OSBPL9: variants seen among roughly 807,000 people sequenced by gnomAD.
OSBPL9 encodes the protein oxysterol-binding protein-related protein 9.
Under a neutral mutation model 106.6 loss-of-function variants are expected in OSBPL9, and 40 were observed. That is an observed-to-expected ratio of 0.38 (90% CI 0.29 to 0.49). The LOEUF (loss-of-function observed/expected upper bound fraction) is 0.49. Among genes scored for constraint, OSBPL9 ranks in the 20% least tolerant of loss-of-function variants. The pLI is 0.97. For missense variants in OSBPL9, 609 were observed against 887.2 expected, an observed-to-expected ratio of 0.69 and a Z score of 3.98; for synonymous variants, 269 against 295.4, an observed-to-expected ratio of 0.91 and a Z score of 0.92.
intron 3 of OSBPL9, among the ~76,000 whole-genome samples, chr1:51,701,359 T>C (rs1260659702): frequency 6.6e-6 from 1 of 152,266 alleles, no homozygotes; most frequent in Non-Finnish European, 1.5e-5. Flanking sequence ...TATAGTCCAG[T>C]ACTCTGTGAA....
chr1:51,760,421 C>A, intron 9 of OSBPL9: 2 of 301,052 alleles, frequency 6.6e-6, no homozygotes, highest in Non-Finnish European at 1.2e-5. Flanking sequence ...TTCCTGAAAT[C>A]TCCCCACACC....
intron 12 of OSBPL9, 40 bp from the exon 13 acceptor site, chr1:51,772,029 TG>T (rs1223701220): frequency 6.8e-7 from 1 of 1,463,482 alleles, no homozygotes. Context: ...GATTCTAAAT[TG>T]CTTTCTTTAG....
rs555568798 is a variant in OSBPL9, at chr1:51,628,377, T to C, written c.111+11156T>C. On this transcript the variant is annotated intron_variant, in intron 1 of 23. Coordinates refer to ENST00000428468, the MANE Select transcript of OSBPL9 (RefSeq NM_024586.6). ...AATGAACAAAAGATAACATTTTTTC[T>C]TCATCTTTATTTAATAAGATCTCAG... Among the ~76,000 whole-genome samples the C allele has an allele frequency of 3.3e-5, 5 of 152,278 alleles. No homozygotes were observed. In the South Asian group the frequency reaches 1.0e-3, roughly 32 times the overall value.
chr1:51,662,046 A>G lies in OSBPL9; in HGVS notation c.163-7388A>G, dbSNP rs139749156. ...TGAGCCAGGACAACAGGAATAATCC[A>G]GGATTGTTCCTGGCAAACCAGGTCG... On this transcript the variant is annotated intron_variant, in intron 2 of 23. Transcript: ENST00000428468. Among the ~76,000 whole-genome samples, 358 of 152,324 alleles carry G rather than the reference A, an allele frequency of 2.4e-3. 1 individual carries two copies. Among genetic ancestry groups the G allele is most frequent in the African/African-American group, 8.3e-3 (343 of 41,568 alleles).
At chr1:51,687,284 G>C (rs1276955690) in intron 3 of OSBPL9, among the ~76,000 whole-genome samples, 1 of 152,158 alleles carries the variant, frequency 6.6e-6, no homozygotes, top group Admixed American at 6.6e-5. Flanking sequence ...ATAGCAGCTG[G>C]TACAGCAGGA....
chr1:51,649,956 C>T (rs985096420), intron 1 of OSBPL9, among the ~76,000 whole-genome samples: 2 of 151,884 alleles, frequency 1.3e-5, no homozygotes, highest in Admixed American at 6.6e-5. Flanking sequence ...CTCACTGCAG[C>T]CTTGACCTCC....
chr1:51,717,577 G>T (rs1473585118), intron 4 of OSBPL9, among the ~76,000 whole-genome samples: 1 of 152,030 alleles, frequency 6.6e-6, no homozygotes, highest in Non-Finnish European at 1.5e-5. Context: ...ACATACAAAT[G>T]GCAAGGAGGT....
intron 4 of OSBPL9, among the ~76,000 whole-genome samples, chr1:51,726,466 G>T (rs1166184381): frequency 1.3e-5 from 2 of 152,116 alleles, no homozygotes; most frequent in Non-Finnish European, 2.9e-5. Context: ...TGTCTGGGGT[G>T]ACATTAGAGC....
At chr1:51,570,541 G>A in the OSBPL9 span, among the ~76,000 whole-genome samples, 1 of 152,154 alleles carries the variant, frequency 6.6e-6, no homozygotes, top group Non-Finnish European at 1.5e-5. Context: ...GGGAGGAAAG[G>A]TTACTTACTC....
At chr1:51,688,726 G>T (rs529877260) in intron 3 of OSBPL9, among the ~76,000 whole-genome samples, 4 of 152,218 alleles carry the variant, frequency 2.6e-5, no homozygotes, top group East Asian at 1.9e-4. Flanking sequence ...ATAAATCATT[G>T]TAAGTCCTAA....
chr1:51,571,574 G>A, the OSBPL9 span, among the ~76,000 whole-genome samples: 1 of 152,110 alleles, frequency 6.6e-6, no homozygotes. Context: ...GGCTGAGGTG[G>A]GAGAAGCATT....
intron 3 of OSBPL9, among the ~76,000 whole-genome samples, chr1:51,691,188 A>G (rs1654869195): frequency 6.6e-6 from 1 of 152,108 alleles, no homozygotes; most frequent in Admixed American, 6.5e-5. Flanking sequence ...TGTAGATTTT[A>G]TAAACACTGT....
chr1:51,624,255 C>G (rs1170208662), intron 1 of OSBPL9, among the ~76,000 whole-genome samples: 1 of 151,976 alleles, frequency 6.6e-6, no homozygotes. Flanking sequence ...AATAGAGTAG[C>G]TTTAGAATTA....
At chr1:51,603,421 A>G (rs1195912861) in intron 2 of OSBPL9, among the ~76,000 whole-genome samples, 1 of 152,236 alleles carries the variant, frequency 6.6e-6, no homozygotes, top group Non-Finnish European at 1.5e-5. Flanking sequence ...AAACGATCTT[A>G]CAGCTCTATT....
chr1:51,765,727 T>C, intron 11 of OSBPL9, 95 bp from the exon 12 acceptor site: 9 of 1,194,214 alleles, frequency 7.5e-6, no homozygotes, highest in Middle Eastern at 5.8e-4. Context: ...TTAACCAAAC[T>C]CTTTTTTGAT....
chr1:51,617,589 G>A (rs986449174), intron 1 of OSBPL9, among the ~76,000 whole-genome samples: 1 of 152,094 alleles, frequency 6.6e-6, no homozygotes, highest in African/African-American at 2.4e-5. Flanking sequence ...ATGTTGTCAT[G>A]GACTTTACAC....
chr1:51,581,415 T>G (rs1645220923), intron 1 of OSBPL9, among the ~76,000 whole-genome samples: 1 of 152,226 alleles, frequency 6.6e-6, no homozygotes, highest in Non-Finnish European at 1.5e-5. Flanking sequence ...TGTATCAGGT[T>G]TCTCCATTGC....
At chr1:51,680,760 C>G (rs1341946088) in intron 3 of OSBPL9, among the ~76,000 whole-genome samples, 2 of 152,016 alleles carry the variant, frequency 1.3e-5, no homozygotes, top group Non-Finnish European at 2.9e-5. Flanking sequence ...ACATTTTTCT[C>G]CATTTTCTCC....
the OSBPL9 span, among the ~76,000 whole-genome samples, chr1:51,532,454 C>T: frequency 2.6e-5 from 4 of 152,026 alleles, no homozygotes; most frequent in African/African-American, 9.7e-5. Context: ...GATGGGTTAT[C>T]TGCTGAGAGG....
Sources: allele counts gnomAD v4.1 joint callset (sites outside exome capture counted in the v4.1 genomes callset), GRCh38; gene constraint gnomAD v4.1.1; transcripts MANE v1.5; gene names NCBI Gene and HGNC (gene_info 2026-07-23, HGNC 2026-07-21).